Variants in SOBP observed in about 807,000 individuals in gnomAD.
SOBP encodes the protein sine oculis-binding protein homolog.
Under a neutral mutation model 53.6 loss-of-function variants are expected in SOBP, and 4 were observed. The ratio of observed to expected loss-of-function variants is 0.07; its 90% CI spans 0.04 to 0.17. The LOEUF is 0.17. Ranked by LOEUF, SOBP falls within the 10% of genes least tolerant of loss-of-function variation. The probability of loss-of-function intolerance (pLI) is 1.00; values close to 1 mark genes in which losing one functional copy is unlikely to be tolerated. For missense variants in SOBP, 1,088 were observed against 1,204.7 expected, an observed-to-expected ratio of 0.90 and a Z score of 1.43; for synonymous variants, 584 against 522.6, an observed-to-expected ratio of 1.12 and a Z score of -1.60.
intron 5 of SOBP, among the ~76,000 whole-genome samples, chr6:107,629,242 T>C (rs2115133882): frequency 6.6e-6 from 1 of 151,870 alleles, no homozygotes; most frequent in Middle Eastern, 3.4e-3. Flanking sequence ...TTTTTTTTTT[T>C]TTTTTTTTTT....
At chr6:107,530,742 C>T (rs747641224) in intron 3 of SOBP, among the ~76,000 whole-genome samples, 8 of 151,930 alleles carry the variant, frequency 5.3e-5, no homozygotes, top group Admixed American at 2.0e-4. Flanking sequence ...CTGCGGGGAG[C>T]GTTGACTTAT....
rs1771006915 is a variant in SOBP, at chr6:107,635,560, A to G, written c.*3+91A>G. The G allele has an allele frequency of 1.3e-6, 2 of 1,548,350 alleles. No individual in the cohort carries two copies. The highest frequency in any genetic ancestry group is 1.8e-6 in the Non-Finnish European group (2 of 1,132,420). Reference sequence around the variant, plus strand: ...AGAGGGGAGAGTTGTAATTATAGTCATGATTTTACCGTGTGTGTTTTATAT... The same window carrying G: ...AGAGGGGAGAGTTGTAATTATAGTCGTGATTTTACCGTGTGTGTTTTATAT... On this transcript the variant is annotated intron_variant, in intron 6 of 6. Coordinates refer to ENST00000317357, the MANE Select transcript of SOBP (RefSeq NM_018013.4). The surrounding 1 kb of genome is among the most constrained non-coding windows in gnomAD (Gnocchi z 4.5).
At chr6:107,570,118 G>C (rs1469470970) in intron 4 of SOBP, among the ~76,000 whole-genome samples, 1 of 152,204 alleles carries the variant, frequency 6.6e-6, no homozygotes, top group East Asian at 1.9e-4. Context: ...ACCACTGGGT[G>C]AGAGCAAGTT....
At chr6:107,560,561 A>G (rs1784744756) in intron 4 of SOBP, among the ~76,000 whole-genome samples, 2 of 152,252 alleles carry the variant, frequency 1.3e-5, no homozygotes, top group East Asian at 1.9e-4. Flanking sequence ...TCATACACCT[A>G]TGGATACTCA....
chr6:107,529,332 C>A, intron 3 of SOBP: 1 of 406,324 alleles, frequency 2.5e-6, no homozygotes, highest in Non-Finnish European at 3.3e-6. Flanking sequence ...CAGTGCAGCC[C>A]GGCCATGGGC....
intron 2 of SOBP, among the ~76,000 whole-genome samples, chr6:107,505,228 C>G (rs1002967170): frequency 6.6e-6 from 1 of 152,048 alleles, no homozygotes; most frequent in Non-Finnish European, 1.5e-5. Flanking sequence ...CTGGAGGGCA[C>G]GTTTTAGGCT....
At chr6:107,624,247 G>C (rs767218864) in intron 5 of SOBP, among the ~76,000 whole-genome samples, 6 of 152,212 alleles carry the variant, frequency 3.9e-5, no homozygotes, top group Non-Finnish European at 8.8e-5. Flanking sequence ...CTCTCTGCTA[G>C]TCAGGCTACT....
At chr6:107,528,025 T>C (rs375148116) in intron 3 of SOBP, among the ~76,000 whole-genome samples, 1 of 152,220 alleles carries the variant, frequency 6.6e-6, no homozygotes, top group African/African-American at 2.4e-5. Flanking sequence ...AGCTAAGTAA[T>C]ATGTCCCAAC....
In SOBP at chr6:107,537,339, A is replaced by G. The variant is rs563452100; in HGVS notation, c.573+3729A>G. Among the ~76,000 whole-genome samples, 25 of 152,362 alleles carry G rather than the reference A, an allele frequency of 1.6e-4. No homozygotes were observed. The South Asian group carries it at 5.2e-3, about 32-fold the overall frequency. Reference sequence around the variant, plus strand: ...TATCTTATTGTCCAAACTAATATCCAAAAATCAAGAAGGAAATTAAAAGTC... The same window carrying G: ...TATCTTATTGTCCAAACTAATATCCGAAAATCAAGAAGGAAATTAAAAGTC... On this transcript the variant is annotated intron_variant, in intron 4 of 6. Coordinates refer to ENST00000317357, the MANE Select transcript of SOBP (RefSeq NM_018013.4).
intron 5 of SOBP, chr6:107,621,103 G>A (rs1001498400): frequency 3.7e-6 from 3 of 816,736 alleles, no homozygotes; most frequent in Admixed American, 1.2e-4. Context: ...GATTTCTGGT[G>A]AGTGATATTA....
At chr6:107,616,086 G>A (rs1460631220) in intron 5 of SOBP, among the ~76,000 whole-genome samples, 1 of 93,078 alleles carries the variant, frequency 1.1e-5, no homozygotes, top group African/African-American at 3.9e-5. Context: ...AAGGGGGGTG[G>A]GGGGGGGGCG....
At position 107,490,585 on chromosome 6, in the gene SOBP, A is replaced by G. The variant is rs1211835230; in HGVS notation, c.-32A>G. The G allele has an allele frequency of 1.1e-5, 17 of 1,549,404 alleles. No homozygotes were observed. Among genetic ancestry groups the G allele is most frequent in the Admixed American group, 1.8e-5 (1 of 54,618 alleles). ...ACCACCGCCGGCGGCGGCAGCAGCC[A>G]TTTCATCTCCACAGAAACCAGACAC... On this transcript the variant is annotated 5_prime_UTR_variant, in exon 1 of 7. Coordinates refer to ENST00000317357, the MANE Select transcript of SOBP (RefSeq NM_018013.4).
chr6:107,656,317 A>AAGAC lies in SOBP; in HGVS notation c.*4-1887_*4-1886insCAGA, dbSNP rs1334447692. On this transcript the variant is annotated intron_variant, in intron 6 of 6. Coordinates refer to ENST00000317357, the MANE Select transcript of SOBP (RefSeq NM_018013.4). ...AAAGAAAGAAAGAAAGAAAGAAAGA[A>AAGAC]AGAAAGAAAGAAAGAAAGAAAGAAA... Among the ~76,000 whole-genome samples the AAGAC allele has an allele frequency of 7.1e-4, 28 of 39,520 alleles. No homozygotes were observed. The East Asian group carries it at 0.013, about 18-fold the overall frequency. 25.9% of individuals were successfully genotyped at this position (39,520 alleles called of 152,430 possible). A position where few individuals can be genotyped will look rare whatever the true frequency, so the allele number is the denominator to read the frequency against.
Position 107,634,861 on chromosome 6 carries a change from C to T in SOBP, c.2017C>T (p.His673Tyr). The part of the protein sequence containing the change: ...RLHNVIHRAL[H>Y]AHVKAEREPS... The stretch of plus-strand genomic sequence containing the variant: ...GCACAACGTGATCCACCGCGCGCTG[C>T]ACGCGCACGTCAAGGCGGAGCGCGA... The change falls in exon 6 of 7, where the codon CAC (histidine) becomes TAC (tyrosine). Residue 673 changes from histidine (H) to tyrosine (Y), a missense_variant. Physicochemically the swap from His to Tyr is moderately conservative, Grantham distance 83. Coordinates refer to ENST00000317357, the MANE Select transcript of SOBP (RefSeq NM_018013.4). This position sits in a 1 kb window ranked among gnomAD's most constrained non-coding sequence, Gnocchi z 4.5. 7.2e-7 allele frequency: 1 copy of T among 1,387,112 alleles called. No individual in the cohort carries two copies. 85.9% of individuals were successfully genotyped at this position (1,387,112 alleles called of 1,614,324 possible). A position where few individuals can be genotyped will look rare whatever the true frequency, so the allele number is the denominator to read the frequency against.
At chr6:107,547,542 A>C (rs1291385531) in intron 4 of SOBP, among the ~76,000 whole-genome samples, 1 of 152,234 alleles carries the variant, frequency 6.6e-6, no homozygotes, top group Non-Finnish European at 1.5e-5. Context: ...ATTATACTGC[A>C]GGCTATACAA....
intron 4 of SOBP, among the ~76,000 whole-genome samples, chr6:107,538,823 G>A (rs983011522): frequency 2.6e-5 from 4 of 152,182 alleles, no homozygotes; most frequent in Non-Finnish European, 5.9e-5. Flanking sequence ...ATATTGATGA[G>A]CTGCTGCAAA....
intron 4 of SOBP, among the ~76,000 whole-genome samples, chr6:107,555,291 G>A (rs1583207011): frequency 6.6e-6 from 1 of 152,174 alleles, no homozygotes; most frequent in African/African-American, 2.4e-5. Flanking sequence ...GATAGCTTCT[G>A]GGGTGGCATA....
intron 5 of SOBP, among the ~76,000 whole-genome samples, chr6:107,606,162 C>T (rs888505348): frequency 6.0e-5 from 9 of 149,908 alleles, no homozygotes; most frequent in Non-Finnish European, 4.4e-5. Context: ...CTGCAGCCTC[C>T]ACTTCCCGGG....
intron 5 of SOBP, among the ~76,000 whole-genome samples, chr6:107,621,619 T>G (rs1770179465): frequency 6.6e-6 from 1 of 152,212 alleles, no homozygotes; most frequent in African/African-American, 2.4e-5. Context: ...CCCAGGTTCA[T>G]GAGCCCAACA....
Sources: allele counts gnomAD v4.1 joint callset (sites outside exome capture counted in the v4.1 genomes callset), GRCh38; gene constraint gnomAD v4.1.1; non-coding constraint Gnocchi (gnomAD v3.1); transcripts MANE v1.5; gene names NCBI Gene and HGNC (gene_info 2026-07-23, HGNC 2026-07-21).